The following JPH1 variants were observed in gnomAD, a reference collection of about 807,000 sequenced individuals.
JPH1 encodes junctophilin-1.
In JPH1, 12 loss-of-function variants were observed where a neutral mutation model predicts 53.6. The ratio of observed to expected loss-of-function variants is 0.22; its 90% confidence interval spans 0.14 to 0.36. The LOEUF (loss-of-function observed/expected upper bound fraction) is 0.36, where lower values mean the gene tolerates loss of function less well. Among genes scored for constraint, JPH1 ranks in the 10% least tolerant of loss-of-function variants. JPH1 has a pLI of 1.00. For synonymous variants in JPH1, 375 were observed against 363.8 expected, an observed-to-expected ratio of 1.03 and a Z score of -0.35; for missense variants, 808 against 905.5, an observed-to-expected ratio of 0.89 and a Z score of 1.38.
At chr8:74,243,014 A>G (rs1805742116) in intron 4 of JPH1, among the ~76,000 whole-genome samples, 1 of 152,200 alleles carries the variant, frequency 6.6e-6, no homozygotes, top group Non-Finnish European at 1.5e-5. Flanking sequence ...ACGCTGGGGC[A>G]TACACTTCCC....
chr8:74,306,125 TGA>T (rs1222692159), intron 2 of JPH1, among the ~76,000 whole-genome samples: 1 of 152,192 alleles, frequency 6.6e-6, no homozygotes, highest in East Asian at 1.9e-4. Context: ...CGTTGCGTGG[TGA>T]GTGATATGAC....
At chr8:74,300,505 G>C (rs1355791820) in intron 2 of JPH1, among the ~76,000 whole-genome samples, 1 of 152,138 alleles carries the variant, frequency 6.6e-6, no homozygotes, top group Non-Finnish European at 1.5e-5. Flanking sequence ...ATATAAACAA[G>C]AATAACTGGT....
intron 3 of JPH1, among the ~76,000 whole-genome samples, chr8:74,253,704 A>AG (rs893673573): frequency 9.2e-5 from 14 of 152,146 alleles, no homozygotes; most frequent in African/African-American, 2.9e-4. Context: ...AAAATGACAA[A>AG]GGGGATATTA....
intron 2 of JPH1, among the ~76,000 whole-genome samples, chr8:74,299,227 A>G (rs941285087): frequency 1.3e-5 from 2 of 152,152 alleles, no homozygotes; most frequent in South Asian, 2.1e-4. Flanking sequence ...CACCAGACAC[A>G]CTAATCATAC....
At chr8:74,307,161 C>G (rs144585396) in intron 2 of JPH1, among the ~76,000 whole-genome samples, 1 of 152,174 alleles carries the variant, frequency 6.6e-6, no homozygotes, top group South Asian at 2.1e-4. Flanking sequence ...TCCTTCCCTT[C>G]CTGTTTCCTT....
At chr8:74,306,942 G>T (rs185069308) in intron 2 of JPH1, among the ~76,000 whole-genome samples, 3 of 152,064 alleles carry the variant, frequency 2.0e-5, no homozygotes, top group African/African-American at 7.2e-5. Context: ...ATTATCCTAC[G>T]TTATCTTCAG....
chr8:74,286,259 TTTC>T (rs540233683), intron 2 of JPH1, among the ~76,000 whole-genome samples: 3 of 152,206 alleles, frequency 2.0e-5, no homozygotes, highest in African/African-American at 4.8e-5. Context: ...TTTTTCTGCG[TTTC>T]TTCTTAAAAT....
At chr8:74,267,843 C>T (rs983596813) in intron 2 of JPH1, among the ~76,000 whole-genome samples, 1 of 152,112 alleles carries the variant, frequency 6.6e-6, no homozygotes, top group African/African-American at 2.4e-5. Flanking sequence ...AATGAAGCAG[C>T]TCTGAAAAGG....
At chr8:74,289,818 T>C (rs1052927020) in intron 2 of JPH1, among the ~76,000 whole-genome samples, 4 of 152,236 alleles carry the variant, frequency 2.6e-5, no homozygotes, top group African/African-American at 9.6e-5. Context: ...TCTGCATCTA[T>C]TGAGATAATC....
chr8:74,252,586 A>G (rs1292792710), intron 3 of JPH1, among the ~76,000 whole-genome samples: 1 of 152,158 alleles, frequency 6.6e-6, no homozygotes, highest in Non-Finnish European at 1.5e-5. Context: ...TCCAATTGAA[A>G]GGCACAGACT....
chr8:74,275,935 G>A (rs1454819499), intron 2 of JPH1, among the ~76,000 whole-genome samples: 1 of 152,098 alleles, frequency 6.6e-6, no homozygotes, highest in Non-Finnish European at 1.5e-5. Flanking sequence ...GGTTATTATT[G>A]AGCTTTTAAA....
At position 74,258,146 on chromosome 8, in the gene JPH1, G is replaced by C. The variant is rs117885334; in HGVS notation, c.1258+1239C>G. 3.3e-5 allele frequency among the ~76,000 whole-genome samples: 5 copies of C among 152,226 alleles called. No individual in the cohort carries two copies. The East Asian group carries it at 9.6e-4, about 29-fold the overall frequency. On this transcript the variant is annotated intron_variant, in intron 3 of 5. Transcript: ENST00000342232. Reference sequence around the variant, plus strand: ...CCCTCACCAGAGCCAAACATGAATCGAACACCTACCTCATGCAGGGTGCTG... The same window carrying C: ...CCCTCACCAGAGCCAAACATGAATCCAACACCTACCTCATGCAGGGTGCTG...
chr8:74,278,989 G>A lies in JPH1; in HGVS notation c.1140-19486C>T, dbSNP rs576711461. 6.0e-4 allele frequency among the ~76,000 whole-genome samples: 90 copies of A among 150,884 alleles called. No individual in the cohort carries two copies. The South Asian group carries it at 0.016, about 27-fold the overall frequency. ...CACAGAAACACACACGCACACGCGC[G>A]CACACACACACACACACGCATACAC... On this transcript the variant is annotated intron_variant, in intron 2 of 5. Coordinates refer to ENST00000342232, the MANE Select transcript of JPH1 (RefSeq NM_020647.4).
chr8:74,269,756 A>T (rs945940404), intron 2 of JPH1, among the ~76,000 whole-genome samples: 1 of 152,246 alleles, frequency 6.6e-6, no homozygotes. Flanking sequence ...ACATATTCAA[A>T]GTCACACAGC....
chr8:74,261,663 C>T (rs999327343), intron 2 of JPH1, among the ~76,000 whole-genome samples: 10 of 152,120 alleles, frequency 6.6e-5, no homozygotes, highest in Non-Finnish European at 1.3e-4. Context: ...ATGCCCTCCG[C>T]TAATGTTCTT....
chr8:74,287,419 C>CAA (rs5892447), intron 2 of JPH1, among the ~76,000 whole-genome samples: 29 of 122,394 alleles, frequency 2.4e-4, no homozygotes, highest in African/African-American at 4.9e-4. Flanking sequence ...GACTCTGTCT[C>CAA]AAAAAAAAAA....
chr8:74,308,036 CT>C (rs1229886586), intron 2 of JPH1, among the ~76,000 whole-genome samples: 11 of 152,196 alleles, frequency 7.2e-5, no homozygotes, highest in African/African-American at 2.7e-4. Context: ...TCCCAGCCAA[CT>C]TTATGTGTTA....
intron 2 of JPH1, among the ~76,000 whole-genome samples, chr8:74,313,883 C>T (rs553292598): frequency 7.2e-5 from 11 of 152,242 alleles, no homozygotes; most frequent in African/African-American, 2.4e-4. Flanking sequence ...CATTTATTAC[C>T]ACACCTTTTT....
intron 2 of JPH1, among the ~76,000 whole-genome samples, chr8:74,287,955 CAA>C (rs563971674): frequency 9.1e-4 from 137 of 150,400 alleles, no homozygotes; most frequent in African/African-American, 3.2e-3. Flanking sequence ...TTTTAGCTGA[CAA>C]TATTTTTTTT....
Sources: allele counts gnomAD v4.1 joint callset (sites outside exome capture counted in the v4.1 genomes callset), GRCh38; gene constraint gnomAD v4.1.1; transcripts MANE v1.5; gene names NCBI Gene and HGNC (gene_info 2026-07-23, HGNC 2026-07-21).